RINL: variants seen among roughly 807,000 people sequenced by gnomAD.
RINL encodes the protein Ras and Rab interactor like.
RINL carries 39 observed loss-of-function variants against 58.1 expected under a neutral mutation model. That is an observed-to-expected ratio of 0.67 (90% CI 0.52 to 0.88). The LOEUF (loss-of-function observed/expected upper bound fraction) is 0.88, where lower values mean the gene tolerates loss of function less well. RINL is among the 40% of genes least tolerant of loss of function. The pLI, the probability that RINL is intolerant of heterozygous loss-of-function variation, is 0.00. For synonymous variants in RINL, 286 were observed against 323.1 expected (o/e 0.89, Z 1.23); for missense variants, 711 against 749.2 (o/e 0.95, Z 0.60).
Position 38,870,080 on chromosome 19 carries a change from G to A in RINL, c.1205C>T (p.Pro402Leu), listed in dbSNP as rs8110393. Residue 402 changes from proline (P) to leucine (L), a missense_variant, in exon 9 of 12, where the codon CCC becomes CTC. Pro to Leu is a moderately conservative substitution (Grantham distance 98). Coordinates refer to ENST00000591812, the MANE Select transcript of RINL (RefSeq NM_001195833.2). The surrounding 1 kb of genome is among the most constrained non-coding windows in gnomAD (Gnocchi z 5.8). Reference sequence around the variant, plus strand: ...GATGCGGCTCCGCAAGGCGGGGGCGGGGCTCTGCCCTTCCGGTCCCGGCCC... The same window carrying A: ...GATGCGGCTCCGCAAGGCGGGGGCGAGGCTCTGCCCTTCCGGTCCCGGCCC... ...AQGPGPEGQS[P>L]APALRSRIHE... The A allele has an allele frequency of 0.52, 782,538 of 1,509,676 alleles. 210,445 individuals are homozygous for A. Among genetic ancestry groups the A allele is most frequent in the African/African-American group, 0.87 (60,926 of 69,998 alleles). 93.5% of individuals were successfully genotyped at this position (1,509,676 alleles called of 1,614,324 possible). A position where few individuals can be genotyped will look rare whatever the true frequency, so the allele number is the denominator to read the frequency against.
rs745332133 is a variant in RINL, at chr19:38,869,162, T to C, written c.1643A>G (p.Asn548Ser). ...HRKDHPRAQA[N>S]LPFKEPWAEE... ...TGCCCATGGCTCCTTAAAGGGCAGGTTGGCCTGTGGGGAGAGGTGGGAGCT... is the reference window on the plus strand; with the variant it reads ...TGCCCATGGCTCCTTAAAGGGCAGGCTGGCCTGTGGGGAGAGGTGGGAGCT... Residue 548 changes from asparagine (N) to serine (S), a missense_variant, in exon 12 of 12, where the codon AAC becomes AGC. Asn to Ser is a conservative substitution (Grantham distance 46). Transcript: ENST00000591812. This position sits in a 1 kb window ranked among gnomAD's most constrained non-coding sequence, Gnocchi z 5.7. 7 of 1,614,082 alleles carry C rather than the reference T, an allele frequency of 4.3e-6. No homozygotes were observed. The Admixed American group carries it at 1.0e-4, about 23-fold the overall frequency.
rs372462629 is a variant in RINL, at chr19:38,873,289, G to C, written c.313+597C>G. ...GTGTGTATGGGGCAGAGTGAATGAGGGGCAATAGATAGAGAGACAGGAAGG... is the reference window on the plus strand; with the variant it reads ...GTGTGTATGGGGCAGAGTGAATGAGCGGCAATAGATAGAGAGACAGGAAGG... On this transcript the variant is annotated intron_variant, in intron 4 of 11. Coordinates refer to ENST00000591812, the MANE Select transcript of RINL (RefSeq NM_001195833.2). Among the ~76,000 whole-genome samples the C allele has an allele frequency of 2.5e-4, 38 of 152,188 alleles. 1 individual carries two copies. Among genetic ancestry groups the C allele is most frequent in the African/African-American group, 9.2e-4 (38 of 41,522 alleles).
chr19:38,876,969 A>G (rs1294134985), intron 1 of RINL, among the ~76,000 whole-genome samples, 188 bp from the exon 2 acceptor site: 1 of 152,206 alleles, frequency 6.6e-6, no homozygotes, highest in Non-Finnish European at 1.5e-5. Flanking sequence ...ACTGCAGTGC[A>G]GTGGCACGAT....
chr19:38,874,049 C>G lies in RINL; in HGVS notation c.211-61G>C. On this transcript the variant is annotated intron_variant, in intron 3 of 11. Transcript: ENST00000591812. ...TGTGCGCAGATGTCTGTTGCTTTTG[C>G]CTGACTAGCATCCATTTCCCTTATT... is the stretch of plus-strand genomic sequence containing the variant. 4 of 1,022,502 alleles carry G rather than the reference C, an allele frequency of 3.9e-6. No individual in the cohort carries two copies. In the South Asian group the frequency reaches 5.6e-5, roughly 14 times the overall value. 63.3% of individuals were successfully genotyped at this position (1,022,502 alleles called of 1,614,324 possible). A position where few individuals can be genotyped will look rare whatever the true frequency, so the allele number is the denominator to read the frequency against.
rs1194322960 is a variant in RINL at position 38,868,767 on chromosome 19, G to C, written c.*337C>G. 1 of 222,968 alleles carries C rather than the reference G, an allele frequency of 4.5e-6. No individual in the cohort carries two copies. Among genetic ancestry groups the C allele is most frequent in the East Asian group, 9.7e-5 (1 of 10,272 alleles). 13.8% of individuals were successfully genotyped at this position (222,968 alleles called of 1,614,324 possible). ...CAGGAAAAGGGAACAGCCTACCTCT[G>C]GGCCTTTGCACTGGCTCATCCTGCT... On this transcript the variant is annotated 3_prime_UTR_variant, in exon 12 of 12. Coordinates refer to ENST00000591812, the MANE Select transcript of RINL (RefSeq NM_001195833.2).
chr19:38,874,012 G>C, intron 3 of RINL, 24 bp from the exon 4 acceptor site: 1 of 1,406,808 alleles, frequency 7.1e-7, no homozygotes, highest in Non-Finnish European at 9.7e-7. Context: ...ACAAAGGCCA[G>C]CGTGACAAAG....
Position 38,871,059 on chromosome 19 carries a change from A to G in RINL, c.601+19T>C. On this transcript the variant is annotated intron_variant, in intron 7 of 11. Transcript: ENST00000591812. The stretch of plus-strand genomic sequence containing the variant: ...GCAGCTCCCTCCCCTTCAGAGGCCC[A>G]GGGCCCCGCCCAGCTAACCTGGATC... The G allele has an allele frequency of 6.3e-7, 1 of 1,583,580 alleles. No homozygotes were observed. The highest frequency in any genetic ancestry group is 8.6e-7 in the Non-Finnish European group (1 of 1,165,978).
intron 3 of RINL, 63 bp downstream of exon 3, chr19:38,876,268 A>T (rs1972922059): frequency 6.9e-7 from 1 of 1,454,012 alleles, no homozygotes; most frequent in Non-Finnish European, 9.2e-7. Context: ...CATGTTTGTC[A>T]CTAGTAACCA....
In RINL at chr19:38,874,164, G is replaced by A. The variant is rs570974704; in HGVS notation, c.211-176C>T. Among the ~76,000 whole-genome samples the A allele has an allele frequency of 6.6e-5, 10 of 152,270 alleles. No homozygotes were observed. In the East Asian group the frequency reaches 1.5e-3, roughly 23 times the overall value. ...GGGCTGACTTCCCCCAAGCCCTGGC[G>A]GGGTGGGCCCATGACCTGATCTAGC... On this transcript the variant is annotated intron_variant, in intron 3 of 11. Coordinates refer to ENST00000591812, the MANE Select transcript of RINL (RefSeq NM_001195833.2).
chr19:38,873,782 T>C (rs894582848), intron 4 of RINL, 104 bp downstream of exon 4: 2 of 693,976 alleles, frequency 2.9e-6, no homozygotes, highest in African/African-American at 1.8e-5. Context: ...CGCCTCGACC[T>C]ACCAAAGTGC....
At chr19:38,873,782 T>A (rs894582848) in intron 4 of RINL, 104 bp downstream of exon 4, 1 of 693,976 alleles carries the variant, frequency 1.4e-6, no homozygotes, top group Non-Finnish European at 2.5e-6. Context: ...CGCCTCGACC[T>A]ACCAAAGTGC....
At chr19:38,871,513 C>A in intron 6 of RINL, 134 bp downstream of exon 6, 2 of 840,462 alleles carry the variant, frequency 2.4e-6, no homozygotes, top group South Asian at 3.4e-5. Flanking sequence ...AAAGTCCAGG[C>A]CCCCAGCTCT....
At chr19:38,872,828 T>C (rs888670022) in intron 4 of RINL, among the ~76,000 whole-genome samples, 7 of 152,086 alleles carry the variant, frequency 4.6e-5, no homozygotes, top group African/African-American at 1.7e-4. Context: ...TGTATACCTA[T>C]GTAACAAACC....
chr19:38,875,742 TC>T (rs998185085), intron 3 of RINL, among the ~76,000 whole-genome samples: 15 of 152,024 alleles, frequency 9.9e-5, no homozygotes, highest in Non-Finnish European at 1.8e-4. Flanking sequence ...AAGTGGTGCC[TC>T]TGTTCTTCCT....
chr19:38,877,999 G>A (rs1192104009), intron 1 of RINL, among the ~76,000 whole-genome samples: 1 of 152,192 alleles, frequency 6.6e-6, no homozygotes. Context: ...AGGCCAGGGT[G>A]TTATTAGGAA....
intron 1 of RINL, 136 bp from the exon 2 acceptor site, chr19:38,876,917 C>T (rs1292959587): frequency 5.0e-6 from 3 of 603,112 alleles, no homozygotes; most frequent in Non-Finnish European, 8.8e-6. Context: ...GGGGTTAATT[C>T]TTTATTTTAT....
Position 38,870,424 on chromosome 19 carries a change from T to C in RINL, c.1024+146A>G, listed in dbSNP as rs1972779991. The C allele has an allele frequency of 2.8e-6, 3 of 1,075,506 alleles. No individual in the cohort carries two copies. The highest frequency in any genetic ancestry group is 2.9e-4 in the Middle Eastern group (1 of 3,406). The allele number at this position is 1,075,506 out of a possible 1,614,324, so 66.6% of individuals were successfully genotyped here. A position where few individuals can be genotyped will look rare whatever the true frequency, so the allele number is the denominator to read the frequency against. On this transcript the variant is annotated intron_variant, in intron 8 of 11. Transcript: ENST00000591812. This position sits in a 1 kb window ranked among gnomAD's most constrained non-coding sequence, Gnocchi z 5.8. ...ATGTGTGGAAGAGTTAGCCTGGGTGTGAACTTGCGCGCATACGTGGGCGAT... is the reference window on the plus strand; with the variant it reads ...ATGTGTGGAAGAGTTAGCCTGGGTGCGAACTTGCGCGCATACGTGGGCGAT...
At chr19:38,871,614 T>A in intron 6 of RINL, 33 bp downstream of exon 6, 2 of 1,600,132 alleles carry the variant, frequency 1.2e-6, no homozygotes, top group Non-Finnish European at 1.7e-6. Flanking sequence ...ATTGGCAGGT[T>A]GGCTGTGCCC....
rs1296867380 is a variant in RINL at position 38,868,684 on chromosome 19, G to T, written c.*420C>A. ...CAAGCAAGATGCCAGACGTACCTGG[G>T]TCAGTCCAGACTCCTGACCTATGTG... On this transcript the variant is annotated 3_prime_UTR_variant, in exon 12 of 12. Transcript: ENST00000591812. The T allele has an allele frequency of 6.4e-6, 1 of 157,364 alleles. No homozygotes were observed. The highest frequency in any genetic ancestry group is 6.3e-5 in the Admixed American group (1 of 15,890). 9.7% of individuals were successfully genotyped at this position (157,364 alleles called of 1,614,324 possible).
Sources: gnomAD v4.1 joint callset for allele counts (sites outside exome capture counted in the v4.1 genomes callset) on GRCh38, gnomAD v4.1.1 for gene constraint, Gnocchi (gnomAD v3.1) non-coding constraint, MANE v1.5 for transcripts, NCBI Gene and HGNC (gene_info 2026-07-23, HGNC 2026-07-21) for gene names.